ANKFN1: variants seen among roughly 807,000 people sequenced by gnomAD.
ANKFN1 encodes ankyrin repeat and fibronectin type-III domain-containing protein 1.
A neutral mutation model predicts 108.7 loss-of-function variants in ANKFN1; 74 were observed. The ratio of observed to expected loss-of-function variants is 0.68; its 90% CI spans 0.56 to 0.83. ANKFN1 has a LOEUF of 0.83. Ranked by LOEUF, ANKFN1 falls within the 40% of genes least tolerant of loss-of-function variation. The pLI is 0.00. For synonymous variants in ANKFN1, 547 were observed against 516.2 expected, an observed-to-expected ratio of 1.06 and a Z score of -0.81; for missense variants, 1,505 against 1,382.3, an observed-to-expected ratio of 1.09 and a Z score of -1.41.
chr17:56,217,176 A>G (rs1161471742), intron 2 of ANKFN1, among the ~76,000 whole-genome samples: 1 of 152,170 alleles, frequency 6.6e-6, no homozygotes, highest in African/African-American at 2.4e-5. Context: ...CCTTCCAGCC[A>G]GCAAAAATTT....
intron 8 of ANKFN1, among the ~76,000 whole-genome samples, chr17:56,434,410 A>T (rs556882190): frequency 2.3e-3 from 345 of 151,618 alleles, no homozygotes; most frequent in African/African-American, 7.1e-3. Context: ...AAGAAGAAGA[A>T]GATGATGATG....
Position 56,512,689 on chromosome 17 carries a change from T to C in ANKFN1, c.*1420T>C, listed in dbSNP as rs2051809790. On this transcript the variant is annotated 3_prime_UTR_variant, in exon 21 of 21. Transcript: ENST00000682825. The stretch of plus-strand genomic sequence containing the variant: ...ATATTGCTCTTTATGGCCCTATCCT[T>C]GTCCACAGAGTTCTACCATTCCTCC... 6.6e-6 allele frequency among the ~76,000 whole-genome samples: 1 copy of C among 152,250 alleles called. No individual in the cohort carries two copies. Among genetic ancestry groups the C allele is most frequent in the South Asian group, 2.1e-4 (1 of 4,830 alleles).
chr17:56,475,799 T>C (rs1350203182), intron 15 of ANKFN1, among the ~76,000 whole-genome samples: 1 of 152,204 alleles, frequency 6.6e-6, no homozygotes, highest in Non-Finnish European at 1.5e-5. Context: ...CCCTTGTTTT[T>C]TTGAAAACCA....
chr17:56,303,778 G>A (rs958605959), intron 3 of ANKFN1, among the ~76,000 whole-genome samples: 5 of 151,812 alleles, frequency 3.3e-5, no homozygotes, highest in African/African-American at 7.3e-5. Context: ...TCCACCTCCC[G>A]GGTTCAAGTG....
Position 56,055,566 on chromosome 17 carries a change from C to CATATATATACATATATATATATATATAT in ANKFN1, c.288+9250_288+9251insCATATATATATATATATATATATATATA, listed in dbSNP as rs1555588764. 3.0e-4 allele frequency among the ~76,000 whole-genome samples: 14 copies of CATATATATACATATATATATATATATAT among 47,454 alleles called. 1 individual carries two copies. The highest frequency in any genetic ancestry group is 1.5e-3 in the African/African-American group (11 of 7,574). 31.1% of individuals were successfully genotyped at this position (47,454 alleles called of 152,430 possible). A position where few individuals can be genotyped will look rare whatever the true frequency, so the allele number is the denominator to read the frequency against. ...TATATGTGTGTGTGTGGTATATATA[C>CATATATATACATATATATATATATATAT]ATATATATATATATATATATATGTA... On this transcript the variant is annotated intron_variant, in intron 4 of 12. Transcript: ENST00000635860.
At chr17:56,197,295 T>C (rs985923494) in intron 1 of ANKFN1, among the ~76,000 whole-genome samples, 7 of 152,190 alleles carry the variant, frequency 4.6e-5, no homozygotes, top group Non-Finnish European at 2.9e-5. Context: ...GGAACTTAGT[T>C]ATATCATGTT....
In ANKFN1 at chr17:56,104,394, A is replaced by G. The variant is rs144127198; in HGVS notation, c.288+58069A>G. ...GCAAGCTCCTCATTTCATAGATGAG[A>G]ATGCTGAGACCCAGAGAGGGGAGCT... On this transcript the variant is annotated intron_variant, in intron 4 of 12. Transcript: ENST00000635860. 8.5e-4 allele frequency among the ~76,000 whole-genome samples: 130 copies of G among 152,358 alleles called. 1 individual carries two copies. The highest frequency in any genetic ancestry group is 2.8e-3 in the African/African-American group (117 of 41,576).
upstream of ANKFN1, among the ~76,000 whole-genome samples, chr17:56,152,270 G>A (rs1007848637): frequency 4.4e-4 from 35 of 78,726 alleles, no homozygotes; most frequent in East Asian, 1.1e-3. Context: ...ATATGTGTGT[G>A]TGTGTGTGTG....
At chr17:56,475,755 A>G (rs1172561697) in intron 15 of ANKFN1, among the ~76,000 whole-genome samples, 1 of 152,226 alleles carries the variant, frequency 6.6e-6, no homozygotes, top group African/African-American at 2.4e-5. Context: ...TCTTTGTGGT[A>G]AGGCACCTGA....
At chr17:56,119,030 C>A (rs906081422) in intron 4 of ANKFN1, among the ~76,000 whole-genome samples, 3 of 151,852 alleles carry the variant, frequency 2.0e-5, no homozygotes, top group Non-Finnish European at 2.9e-5. Context: ...GGGTATAAGA[C>A]AGAAAAAAAT....
rs556456783 is a variant in ANKFN1, at chr17:56,090,704, G to A, written c.288+44379G>A. On this transcript the variant is annotated intron_variant, in intron 4 of 12. Transcript: ENST00000635860. ...TCACTGCAGCCTCAAACTCCCAAGC[G>A]CAAGTGGTCCTCACACATCAGCCTC... 1.1e-4 allele frequency among the ~76,000 whole-genome samples: 17 copies of A among 150,964 alleles called. 1 individual carries two copies. The highest frequency in any genetic ancestry group is 1.5e-4 in the Non-Finnish European group (10 of 67,620).
intron 1 of ANKFN1, among the ~76,000 whole-genome samples, chr17:56,181,291 A>G (rs901636669): frequency 6.6e-6 from 1 of 152,114 alleles, no homozygotes; most frequent in Non-Finnish European, 1.5e-5. Context: ...GGACTGGAGG[A>G]TTTCCCCCAA....
At chr17:56,493,205 G>A (rs540765293) in intron 19 of ANKFN1, among the ~76,000 whole-genome samples, 37 of 152,194 alleles carry the variant, frequency 2.4e-4, no homozygotes, top group Admixed American at 9.2e-4. Context: ...AGAAATGTGT[G>A]TAAATACAAT....
chr17:56,429,558 A>G (rs2048685627), intron 8 of ANKFN1, among the ~76,000 whole-genome samples: 1 of 152,266 alleles, frequency 6.6e-6, no homozygotes, highest in Non-Finnish European at 1.5e-5. Flanking sequence ...CTCACAGGCT[A>G]TACAGAGACA....
At chr17:56,055,736 TACTC>T (rs1322574324) in intron 4 of ANKFN1, among the ~76,000 whole-genome samples, 3 of 151,054 alleles carry the variant, frequency 2.0e-5, no homozygotes, top group African/African-American at 4.9e-5. Flanking sequence ...TTTGGGTAGA[TACTC>T]AATAGTTAGA....
chr17:56,361,124 G>A (rs192815067), intron 6 of ANKFN1, among the ~76,000 whole-genome samples: 44 of 151,890 alleles, frequency 2.9e-4, no homozygotes, highest in African/African-American at 9.4e-4. Flanking sequence ...TTAGAATAAC[G>A]TCCTCCAGGT....
At chr17:56,297,039 G>T (rs1225962197) in intron 3 of ANKFN1, among the ~76,000 whole-genome samples, 1 of 152,150 alleles carries the variant, frequency 6.6e-6, no homozygotes, top group Non-Finnish European at 1.5e-5. Flanking sequence ...GATCTCTTTG[G>T]AATTTTTCTT....
intron 4 of ANKFN1, among the ~76,000 whole-genome samples, chr17:56,115,384 C>T (rs1035846877): frequency 6.6e-6 from 1 of 152,046 alleles, no homozygotes; most frequent in Non-Finnish European, 1.5e-5. Flanking sequence ...TTCTTCAAAA[C>T]AAAACACACA....
At chr17:56,414,974 C>T (rs772523782) in intron 8 of ANKFN1, among the ~76,000 whole-genome samples, 71 of 151,792 alleles carry the variant, frequency 4.7e-4, no homozygotes, top group Non-Finnish European at 5.2e-4. Context: ...GAGCCAAGAT[C>T]GCACCACTGC....
Sources: allele counts gnomAD v4.1 joint callset (sites outside exome capture counted in the v4.1 genomes callset), GRCh38; gene constraint gnomAD v4.1.1; transcripts MANE v1.5; gene names NCBI Gene and HGNC (gene_info 2026-07-23, HGNC 2026-07-21).